YEATS2: variants seen among roughly 807,000 people sequenced by gnomAD.
YEATS2 encodes the protein YEATS domain-containing protein 2.
Under a neutral mutation model 163.2 loss-of-function variants are expected in YEATS2, and 77 were observed. The ratio of observed to expected loss-of-function variants is 0.47; its 90% CI spans 0.39 to 0.57. The LOEUF (loss-of-function observed/expected upper bound fraction) is 0.57, where lower values mean the gene tolerates loss of function less well. Among genes scored for constraint, YEATS2 ranks in the 20% least tolerant of loss-of-function variants. The pLI, the probability that YEATS2 is intolerant of heterozygous loss-of-function variation, is 0.00. For synonymous variants in YEATS2, 631 were observed against 645.1 expected (o/e 0.98, Z 0.33); for missense variants, 1,549 against 1,729.8 (o/e 0.90, Z 1.85).
In YEATS2 at chr3:183,728,837, C is replaced by A. The variant is rs1465220960; in HGVS notation, c.798C>A (p.Asp266Glu). 1.9e-6 allele frequency: 3 copies of A among 1,609,750 alleles called. No individual in the cohort carries two copies. Among genetic ancestry groups the A allele is most frequent in the African/African-American group, 1.3e-5 (1 of 74,698 alleles). ...TTCATCCTAGCTATAAACCAAATGA[C>A]CTTGTGGAAGTTAGGTAAGCACGCT... is the stretch of plus-strand genomic sequence containing the variant. ...FFLHPSYKPNDLVEVREPPFH... is the reference protein window; with the variant it reads ...FFLHPSYKPNELVEVREPPFH... Residue 266 changes from aspartate to glutamate, a missense_variant, in exon 7 of 31, where the codon GAC becomes GAA. Coordinates refer to ENST00000305135, the MANE Select transcript of YEATS2 (RefSeq NM_018023.5).
At chr3:183,723,053 A>G (rs1298518505) in intron 5 of YEATS2, among the ~76,000 whole-genome samples, 1 of 152,232 alleles carries the variant, frequency 6.6e-6, no homozygotes, top group African/African-American at 2.4e-5. Flanking sequence ...TAGCTCGGCA[A>G]TTCCGTGATC....
chr3:183,757,934 CT>C (rs1274920310), intron 12 of YEATS2, among the ~76,000 whole-genome samples: 1 of 152,070 alleles, frequency 6.6e-6, no homozygotes, highest in South Asian at 2.1e-4. Flanking sequence ...AGCTAGAAGT[CT>C]TTGGAGGCAA....
intron 15 of YEATS2, among the ~76,000 whole-genome samples, chr3:183,764,258 C>T (rs1303461541): frequency 6.7e-6 from 1 of 149,710 alleles, no homozygotes; most frequent in Non-Finnish European, 1.5e-5. Flanking sequence ...GTAATCTCAA[C>T]TAGTCAGGAG....
rs377282264 is a variant in YEATS2, at chr3:183,719,866, T to C, written c.291+1274T>C. On this transcript the variant is annotated intron_variant, in intron 4 of 30. Transcript: ENST00000305135. ...AGCTAGGACTGCAGCTTTGTTTCTCTAGTTTTTTAAGATTTAAAATGGTCC... is the reference window on the plus strand; with the variant it reads ...AGCTAGGACTGCAGCTTTGTTTCTCCAGTTTTTTAAGATTTAAAATGGTCC... Among the ~76,000 whole-genome samples the C allele has an allele frequency of 9.9e-5, 15 of 152,264 alleles. No homozygotes were observed. The South Asian group carries it at 2.9e-3, about 29-fold the overall frequency.
chr3:183,773,831 G>C (rs368653823), intron 17 of YEATS2, 37 bp downstream of exon 17: 1 of 1,577,308 alleles, frequency 6.3e-7, no homozygotes, highest in Non-Finnish European at 8.6e-7. Flanking sequence ...TTTGGTTCTT[G>C]GTTCTCTATG....
chr3:183,728,303 G>A (rs954258837), intron 6 of YEATS2, among the ~76,000 whole-genome samples: 1 of 152,148 alleles, frequency 6.6e-6, no homozygotes, highest in Non-Finnish European at 1.5e-5. Context: ...CACTAAGCAG[G>A]CATTGTCTTC....
At chr3:183,760,542 G>T (rs1034064706) in intron 13 of YEATS2, among the ~76,000 whole-genome samples, 2 of 152,032 alleles carry the variant, frequency 1.3e-5, no homozygotes, top group Non-Finnish European at 2.9e-5. Context: ...GGCTGGTCTC[G>T]AACTCCTGAT....
chr3:183,801,603 A>G, intron 25 of YEATS2, 75 bp downstream of exon 25: 2 of 1,168,402 alleles, frequency 1.7e-6, no homozygotes, highest in Non-Finnish European at 1.2e-6. Context: ...AACTGAAATC[A>G]CTTGGGATTG....
intron 23 of YEATS2, among the ~76,000 whole-genome samples, chr3:183,799,306 T>G (rs1725443433): frequency 6.6e-6 from 1 of 152,254 alleles, no homozygotes; most frequent in Non-Finnish European, 1.5e-5. Flanking sequence ...GGGAAATGAT[T>G]GCTGAAATAT....
rs34099456 is a variant in YEATS2, at chr3:183,752,135, G to C, written c.1032G>C (p.Ser344=). The C allele has an allele frequency of 3.1e-6, 5 of 1,613,874 alleles. No individual in the cohort carries two copies. The highest frequency in any genetic ancestry group is 2.2e-5 in the East Asian group (1 of 44,880). The change falls in exon 10 of 31, where the codon TCG becomes TCC. Residue 344 remains serine (S), a synonymous_variant. Transcript: ENST00000305135. ...AAGACTGTATCTATCCTCAGTCCTC[G>C]GAGTCTGACATCTCTGATGCCCCTC... is the stretch of plus-strand genomic sequence containing the variant. ...LGEDCIYPQS[S]ESDISDAPPS... is the part of the protein sequence containing the mutation.
intron 15 of YEATS2, among the ~76,000 whole-genome samples, chr3:183,770,174 G>C (rs1452130150): frequency 6.6e-6 from 1 of 151,576 alleles, no homozygotes; most frequent in Admixed American, 6.6e-5. Context: ...GGATCACGAG[G>C]TCAGGAGATC....
At chr3:183,799,017 C>G (rs1288890374) in intron 23 of YEATS2, 28 bp downstream of exon 23, 2 of 1,568,902 alleles carry the variant, frequency 1.3e-6, no homozygotes, top group African/African-American at 2.7e-5. Context: ...GAGTTCTCGT[C>G]CAGAAGTTTT....
At chr3:183,778,122 A>AG (rs1403919206) in intron 19 of YEATS2, among the ~76,000 whole-genome samples, 1 of 148,494 alleles carries the variant, frequency 6.7e-6, no homozygotes, top group African/African-American at 2.6e-5. Flanking sequence ...AAAAAAAAAA[A>AG]AAAAAAGAAA....
At chr3:183,779,971 C>T (rs904962669) in intron 19 of YEATS2, among the ~76,000 whole-genome samples, 1 of 150,552 alleles carries the variant, frequency 6.6e-6, no homozygotes, top group Non-Finnish European at 1.5e-5. Context: ...ACTGAGATTA[C>T]AGGCGTGAGC....
intron 28 of YEATS2, chr3:183,807,456 T>C (rs899732793): frequency 3.4e-6 from 1 of 292,382 alleles, no homozygotes; most frequent in African/African-American, 2.2e-5. Flanking sequence ...CGTCGTACTC[T>C]TTCTGAGTTG....
At chr3:183,778,513 T>C (rs1723238934) in intron 19 of YEATS2, among the ~76,000 whole-genome samples, 1 of 152,134 alleles carries the variant, frequency 6.6e-6, no homozygotes, top group Non-Finnish European at 1.5e-5. Context: ...TGCACCACCA[T>C]GCCCAGCTAA....
At chr3:183,735,376 C>A (rs1024266658) in intron 7 of YEATS2, among the ~76,000 whole-genome samples, 1 of 152,158 alleles carries the variant, frequency 6.6e-6, no homozygotes, top group Admixed American at 6.5e-5. Flanking sequence ...CTCCTTTGAC[C>A]CCAAGTGTGA....
intron 15 of YEATS2, 36 bp downstream of exon 15, chr3:183,762,315 A>G (rs1298451013): frequency 2.6e-6 from 4 of 1,509,584 alleles, no homozygotes; most frequent in Admixed American, 2.2e-5. Context: ...TTTCACATGT[A>G]AATGATGTTG....
In YEATS2 at chr3:183,762,199, A is replaced by G. The variant is rs745413194; in HGVS notation, c.1867A>G (p.Met623Val). 6.2e-6 allele frequency: 10 copies of G among 1,614,098 alleles called. No individual in the cohort carries two copies. The highest frequency in any genetic ancestry group is 5.0e-5 in the Admixed American group (3 of 60,004). ...GTATGTGACTGTGAAAGGGGGTCACATGATAGCTGTGTCCCCTCAAAAACA... is the reference window on the plus strand; with the variant it reads ...GTATGTGACTGTGAAAGGGGGTCACGTGATAGCTGTGTCCCCTCAAAAACA... ...PQYVTVKGGH[M>V]IAVSPQKQVI... Residue 623 changes from methionine to valine, a missense_variant, in exon 15 of 31, where the codon ATG (methionine) becomes GTG (valine). Transcript: ENST00000305135.
Sources: gnomAD v4.1 joint callset for allele counts (sites outside exome capture counted in the v4.1 genomes callset) on GRCh38, gnomAD v4.1.1 for gene constraint, MANE v1.5 for transcripts, NCBI Gene and HGNC (gene_info 2026-07-23, HGNC 2026-07-21) for gene names.